The following CCT6B variants were observed in gnomAD, a reference collection of about 807,000 sequenced individuals.
The protein encoded by CCT6B is probable T-complex protein 1 subunit zeta-2.
CCT6B carries 49 observed loss-of-function variants against 61.5 expected under a neutral mutation model. That is an observed-to-expected ratio of 0.80 (90% CI 0.63 to 1.01). The LOEUF is 1.01. CCT6B is among the 50% of genes least tolerant of loss of function. The pLI is 0.00. For missense variants in CCT6B, 666 were observed against 634.7 expected (o/e 1.05, Z -0.53); for synonymous variants, 228 against 214.5 (o/e 1.06, Z -0.55).
At position 34,958,557 on chromosome 17, in the gene CCT6B, T is replaced by C; in HGVS notation, c.336+3A>G. ...TAACATATAAACTGTGAAATTCTAATACCTCAGAAATGTACAGGTCAGCTT... is the reference window on the plus strand; with the variant it reads ...TAACATATAAACTGTGAAATTCTAACACCTCAGAAATGTACAGGTCAGCTT... On this transcript the variant is annotated splice_donor_region_variant and intron_variant, in intron 3 of 13. Transcript: ENST00000314144. The C allele has an allele frequency of 6.7e-7, 1 of 1,491,652 alleles. No homozygotes were observed. The highest frequency in any genetic ancestry group is 9.0e-7 in the Non-Finnish European group (1 of 1,116,402). The allele number at this position is 1,491,652 out of a possible 1,614,324, so 92.4% of individuals were successfully genotyped here.
intron 7 of CCT6B, 84 bp downstream of exon 7, chr17:34,942,400 G>T: frequency 9.7e-7 from 1 of 1,030,520 alleles, no homozygotes. Context: ...AAAGTCTTAG[G>T]GATTCTTAGG....
chr17:34,942,449 T>G (rs748738824), intron 7 of CCT6B, 35 bp downstream of exon 7: 1 of 1,545,552 alleles, frequency 6.5e-7, no homozygotes, highest in South Asian at 1.2e-5. Flanking sequence ...TTAAGAACAT[T>G]TACAAATAAC....
chr17:34,958,279 A>T (rs2090370506), intron 3 of CCT6B, among the ~76,000 whole-genome samples: 1 of 151,776 alleles, frequency 6.6e-6, no homozygotes, highest in South Asian at 2.1e-4. Context: ...CCCTGTCTCT[A>T]AAAAAAATAC....
At chr17:34,954,748 C>T in intron 3 of CCT6B, 149 bp from the exon 4 acceptor site, 1 of 604,530 alleles carries the variant, frequency 1.7e-6, no homozygotes, top group South Asian at 2.5e-5. Flanking sequence ...CATTTTAGTG[C>T]TTCATACTTG....
chr17:34,940,617 A>T lies in CCT6B; in HGVS notation c.890T>A (p.Ile297Asn). Reference sequence around the variant, plus strand: ...AAGAGAATCTAAGGAAAATGGATCAATTCCCTATAATCAAATTAACATAAA... The same window carrying T: ...AAGAGAATCTAAGGAAAATGGATCATTTCCCTATAATCAAATTAACATAAA... ...KGFVVINQKGIDPFSLDSLAK... is the reference protein window; with the variant it reads ...KGFVVINQKGNDPFSLDSLAK... The change falls in exon 8 of 14, where the codon ATT becomes AAT. Residue 297 changes from isoleucine (I) to asparagine (N), a missense_variant. Transcript: ENST00000314144. 1 of 1,474,338 alleles carries T rather than the reference A, an allele frequency of 6.8e-7. No homozygotes were observed. Among genetic ancestry groups the T allele is most frequent in the Admixed American group, 1.9e-5 (1 of 52,636 alleles). The allele number at this position is 1,474,338 out of a possible 1,614,324, so 91.3% of individuals were successfully genotyped here.
chr17:34,933,172 T>A (rs1196001956), intron 10 of CCT6B, among the ~76,000 whole-genome samples: 1 of 152,200 alleles, frequency 6.6e-6, no homozygotes, highest in African/African-American at 2.4e-5. Context: ...CCAAGATCAT[T>A]TGTCTAGTTT....
chr17:34,951,057 GAAGA>G (rs1008976166), intron 5 of CCT6B, among the ~76,000 whole-genome samples: 3 of 151,920 alleles, frequency 2.0e-5, no homozygotes, highest in African/African-American at 7.3e-5. Context: ...ACAATGAGAG[GAAGA>G]AAGAACCTAC....
intron 4 of CCT6B, among the ~76,000 whole-genome samples, chr17:34,953,135 T>C (rs2142174486): frequency 6.6e-6 from 1 of 152,160 alleles, no homozygotes; most frequent in South Asian, 2.1e-4. Context: ...ATTATTAAGG[T>C]AGTATTCTGC....
rs759920774 is a variant in CCT6B, at chr17:34,931,055, T to C, written c.1348-4A>G. On this transcript the variant is annotated splice_region_variant and splice_polypyrimidine_tract_variant and intron_variant, in intron 11 of 13. Coordinates refer to ENST00000314144, the MANE Select transcript of CCT6B (RefSeq NM_006584.4). ...AACCAGCATTCTGAGCAAGAACCTTTAGGAATAAAAATAATAATATATATT... is the reference window on the plus strand; with the variant it reads ...AACCAGCATTCTGAGCAAGAACCTTCAGGAATAAAAATAATAATATATATT... 33 of 1,351,408 alleles carry C rather than the reference T, an allele frequency of 2.4e-5. No individual in the cohort carries two copies. Among genetic ancestry groups the C allele is most frequent in the Non-Finnish European group, 3.3e-5 (32 of 977,018 alleles). 83.7% of individuals were successfully genotyped at this position (1,351,408 alleles called of 1,614,324 possible). A position where few individuals can be genotyped will look rare whatever the true frequency, so the allele number is the denominator to read the frequency against.
Position 34,931,014 on chromosome 17 carries a change from G to C in CCT6B, c.1385C>G (p.Thr462Arg). ...AQNAGYDPQE[T>R]LVKVQAEHVE... ...ATGCTCAGCCTGAACTTTTACTAAT[G>C]TTTCCTGTGGGTCATAACCAGCATT... Residue 462 changes from threonine to arginine, a missense_variant, in exon 12 of 14, where the codon ACA (threonine) becomes AGA (arginine). Transcript: ENST00000314144. 1 of 1,600,936 alleles carries C rather than the reference G, an allele frequency of 6.2e-7. No individual in the cohort carries two copies.
chr17:34,946,582 CAT>C (rs1467594272), intron 5 of CCT6B, among the ~76,000 whole-genome samples: 3 of 152,038 alleles, frequency 2.0e-5, no homozygotes, highest in African/African-American at 4.8e-5. Context: ...GACATAAATC[CAT>C]ATGTCTAATA....
At chr17:34,948,029 G>GATGGC (rs1487240153) in intron 5 of CCT6B, among the ~76,000 whole-genome samples, 1 of 150,826 alleles carries the variant, frequency 6.6e-6, no homozygotes, top group Non-Finnish European at 1.5e-5. Flanking sequence ...TATAAAACAA[G>GATGGC]ATGGCAAACT....
chr17:34,930,076 T>G (rs1215315239), intron 12 of CCT6B, among the ~76,000 whole-genome samples: 1 of 151,880 alleles, frequency 6.6e-6, no homozygotes, highest in Non-Finnish European at 1.5e-5. Flanking sequence ...TTAGGCCACA[T>G]GCCTGGCCAA....
At chr17:34,935,976 G>A (rs2090089396) in intron 10 of CCT6B, among the ~76,000 whole-genome samples, 1 of 151,688 alleles carries the variant, frequency 6.6e-6, no homozygotes, top group South Asian at 2.1e-4. Flanking sequence ...ACAACAAGAA[G>A]TTTTACTCTT....
intron 1 of CCT6B, 110 bp from the exon 2 acceptor site, chr17:34,959,760 C>T: frequency 2.9e-6 from 2 of 693,224 alleles, no homozygotes; most frequent in Non-Finnish European, 5.1e-6. Flanking sequence ...TTCCACTGTA[C>T]CATGGGAATA....
At chr17:34,959,865 G>T (rs1472365958) in intron 1 of CCT6B, among the ~76,000 whole-genome samples, 1 of 152,182 alleles carries the variant, frequency 6.6e-6, no homozygotes, top group Admixed American at 6.6e-5. Context: ...CTATTTACAG[G>T]TTTAAAGATA....
Position 34,952,050 on chromosome 17 carries a change from C to A in CCT6B, c.514G>T (p.Val172Leu), listed in dbSNP as rs1435666720. 8.2e-6 allele frequency: 13 copies of A among 1,587,300 alleles called. No homozygotes were observed. Among genetic ancestry groups the A allele is most frequent in the Admixed American group, 1.7e-5 (1 of 59,636 alleles). Residue 172 changes from valine (V) to leucine (L), a missense_variant, in exon 5 of 14, where the codon GTG becomes TTG. Transcript: ENST00000314144. ...AELADVLTEV[V>L]VDSVLAVRRP... ...CTAACAGCCAAAACAGAATCCACCACAACCTGAAAGAGAAATGAATGAGAA... is the reference window on the plus strand; with the variant it reads ...CTAACAGCCAAAACAGAATCCACCAAAACCTGAAAGAGAAATGAATGAGAA...
chr17:34,958,002 T>C lies in CCT6B; in HGVS notation c.336+558A>G, dbSNP rs78285640. On this transcript the variant is annotated intron_variant, in intron 3 of 13. Transcript: ENST00000314144. Reference sequence around the variant, plus strand: ...TGGTGTTTTCTTTCTTAATTACCCATGGATACATGGGTAATTTTTTACTTT... The same window carrying C: ...TGGTGTTTTCTTTCTTAATTACCCACGGATACATGGGTAATTTTTTACTTT... 1.2e-4 allele frequency among the ~76,000 whole-genome samples: 18 copies of C among 152,330 alleles called. No homozygotes were observed. The East Asian group carries it at 3.5e-3, about 29-fold the overall frequency.
chr17:34,942,334 G>A, intron 7 of CCT6B, 150 bp downstream of exon 7: 1 of 594,180 alleles, frequency 1.7e-6, no homozygotes, highest in Non-Finnish European at 2.8e-6. Context: ...TCAACACAAT[G>A]TAAAAGGTGT....
Sources: gnomAD v4.1 joint callset for allele counts (sites outside exome capture counted in the v4.1 genomes callset) on GRCh38, gnomAD v4.1.1 for gene constraint, MANE v1.5 for transcripts, NCBI Gene and HGNC (gene_info 2026-07-23, HGNC 2026-07-21) for gene names.